The following MACROD2 variants were observed in gnomAD, a reference collection of about 807,000 sequenced individuals.
The protein encoded by MACROD2 is ADP-ribose glycohydrolase MACROD2.
Under a neutral mutation model 70.4 loss-of-function variants are expected in MACROD2, and 36 were observed. The observed-to-expected ratio is 0.51, with a 90% CI of 0.39 to 0.68. The LOEUF is 0.68. MACROD2 is among the 30% of genes least tolerant of loss of function. MACROD2 has a pLI of 0.00. For synonymous variants in MACROD2, 172 were observed against 178.8 expected (o/e 0.96, Z 0.30); for missense variants, 496 against 538.4 (o/e 0.92, Z 0.78).
At chr20:14,206,391 A>G (rs148734833) in intron 3 of MACROD2, among the ~76,000 whole-genome samples, 2 of 152,328 alleles carry the variant, frequency 1.3e-5, no homozygotes, top group East Asian at 3.9e-4. Flanking sequence ...GATGTACCTT[A>G]AAGTTTGAAG....
intron 3 of MACROD2, among the ~76,000 whole-genome samples, chr20:14,426,568 G>T (rs548988657): frequency 6.6e-6 from 1 of 152,284 alleles, no homozygotes; most frequent in East Asian, 1.9e-4. Flanking sequence ...GTGGGACAAA[G>T]TAGCTCGATT....
intron 8 of MACROD2, among the ~76,000 whole-genome samples, chr20:15,774,999 T>C (rs2051697058): frequency 6.6e-6 from 1 of 152,090 alleles, no homozygotes; most frequent in South Asian, 2.1e-4. Flanking sequence ...AGTTTGTTTC[T>C]CATAAAGGGT....
chr20:14,602,414 G>A (rs558347306), intron 4 of MACROD2, among the ~76,000 whole-genome samples: 3 of 152,306 alleles, frequency 2.0e-5, no homozygotes, highest in East Asian at 3.9e-4. Context: ...ACAATGACCC[G>A]GTGGGTCGGA....
chr20:14,120,059 A>G (rs1601245598), intron 3 of MACROD2, among the ~76,000 whole-genome samples: 1 of 151,934 alleles, frequency 6.6e-6, no homozygotes, highest in East Asian at 1.9e-4. Context: ...AAAAAATACA[A>G]AAAATTAGCC....
At chr20:14,853,667 G>A (rs2073223309) in intron 5 of MACROD2, among the ~76,000 whole-genome samples, 1 of 152,060 alleles carries the variant, frequency 6.6e-6, no homozygotes, top group Non-Finnish European at 1.5e-5. Context: ...TAAGAAATGA[G>A]TATGCTGCAT....
intron 3 of MACROD2, among the ~76,000 whole-genome samples, chr20:14,098,632 G>C (rs993256915): frequency 1.3e-5 from 2 of 152,066 alleles, no homozygotes; most frequent in African/African-American, 2.4e-5. Flanking sequence ...ACCTCTACTT[G>C]CTTAAAATAA....
chr20:15,075,596 C>G (rs2075651510), intron 5 of MACROD2, among the ~76,000 whole-genome samples: 1 of 152,180 alleles, frequency 6.6e-6, no homozygotes. Context: ...TTTCTATCCA[C>G]TCAAAAGATG....
At chr20:15,367,232 T>C (rs914948790) in intron 6 of MACROD2, among the ~76,000 whole-genome samples, 28 of 152,232 alleles carry the variant, frequency 1.8e-4, no homozygotes, top group Middle Eastern at 3.4e-3. Flanking sequence ...TTCACCATCT[T>C]GGCCAGGCTG....
intron 7 of MACROD2, among the ~76,000 whole-genome samples, chr20:15,478,987 G>C (rs928611918): frequency 2.0e-5 from 3 of 152,202 alleles, no homozygotes; most frequent in African/African-American, 7.2e-5. Context: ...ATTGCAGGCA[G>C]TGCTGATGTC....
chr20:14,684,732 C>T, intron 4 of MACROD2, 111 bp from the exon 5 acceptor site: 1 of 794,274 alleles, frequency 1.3e-6, no homozygotes, highest in Non-Finnish European at 2.1e-6. Context: ...CTTCCACGGG[C>T]TATGGTTATT....
At chr20:14,696,751 G>C (rs1397568962) in intron 5 of MACROD2, among the ~76,000 whole-genome samples, 1 of 152,076 alleles carries the variant, frequency 6.6e-6, no homozygotes, top group Admixed American at 6.6e-5. Flanking sequence ...TGTGTTTGGA[G>C]TCTAGTTACC....
rs566632781 is a variant in MACROD2 at position 14,658,626 on chromosome 20, T to G, written c.302-26217T>G. ...ATGTATTTTGTTTGTTTGTTTGTTTTTTTGGGAGATGGAGTCTCACTCTGT... is the reference window on the plus strand; with the variant it reads ...ATGTATTTTGTTTGTTTGTTTGTTTGTTTGGGAGATGGAGTCTCACTCTGT... On this transcript the variant is annotated intron_variant, in intron 4 of 17. Coordinates refer to ENST00000684519, the MANE Select transcript of MACROD2 (RefSeq NM_001351661.2). 7.9e-5 allele frequency among the ~76,000 whole-genome samples: 12 copies of G among 152,324 alleles called. No individual in the cohort carries two copies. In the South Asian group the frequency reaches 2.5e-3, roughly 32 times the overall value.
At chr20:16,001,667 G>T (rs6110864) in intron 15 of MACROD2, among the ~76,000 whole-genome samples, 1,568 of 152,186 alleles carry the variant, frequency 0.01, 19 homozygotes, top group African/African-American at 0.035. Context: ...TCTTCTGAAA[G>T]AAAAATTTCA....
At chr20:15,888,781 T>C (rs1305585532) in intron 10 of MACROD2, among the ~76,000 whole-genome samples, 1 of 152,078 alleles carries the variant, frequency 6.6e-6, no homozygotes, top group Non-Finnish European at 1.5e-5. Flanking sequence ...TTCCTATACC[T>C]GAGTGCTGAA....
intron 3 of MACROD2, among the ~76,000 whole-genome samples, chr20:14,461,195 T>A (rs1160253522): frequency 6.6e-6 from 1 of 152,076 alleles, no homozygotes; most frequent in Non-Finnish European, 1.5e-5. Context: ...TCTTCCAGAT[T>A]TTCTAGTTTA....
intron 5 of MACROD2, among the ~76,000 whole-genome samples, chr20:14,921,105 G>C (rs978939367): frequency 6.6e-6 from 1 of 152,088 alleles, no homozygotes; most frequent in African/African-American, 2.4e-5. Flanking sequence ...AAAAACACTG[G>C]TGAATCAACT....
chr20:15,379,747 A>C (rs556421462), intron 6 of MACROD2, among the ~76,000 whole-genome samples: 24 of 152,270 alleles, frequency 1.6e-4, no homozygotes, highest in African/African-American at 5.3e-4. Flanking sequence ...CTAGCTAGTC[A>C]CTTAGCTTTC....
chr20:15,894,357 G>A (rs952065507), intron 10 of MACROD2, among the ~76,000 whole-genome samples: 1 of 152,180 alleles, frequency 6.6e-6, no homozygotes, highest in Non-Finnish European at 1.5e-5. Flanking sequence ...CCTGCTCCTA[G>A]ACAGGCTTCC....
At chr20:15,973,056 G>A (rs1232160896) in intron 13 of MACROD2, among the ~76,000 whole-genome samples, 1 of 152,082 alleles carries the variant, frequency 6.6e-6, no homozygotes, top group Non-Finnish European at 1.5e-5. Flanking sequence ...GTGACAGTCA[G>A]GGTTTTGATT....
Sources: allele counts gnomAD v4.1 joint callset (sites outside exome capture counted in the v4.1 genomes callset), GRCh38; gene constraint gnomAD v4.1.1; transcripts MANE v1.5; gene names NCBI Gene and HGNC (gene_info 2026-07-23, HGNC 2026-07-21).